SOX5: variants seen among roughly 807,000 people sequenced by gnomAD.
The protein encoded by SOX5 is transcription factor SOX-5.
In SOX5, 9 loss-of-function variants were observed where a neutral mutation model predicts 92.0. The observed-to-expected ratio is 0.10, with a 90% CI of 0.06 to 0.17. The LOEUF is 0.17. SOX5 is among the 10% of genes least tolerant of loss of function. SOX5 has a pLI of 1.00. For synonymous variants in SOX5, 344 were observed against 336.3 expected, an observed-to-expected ratio of 1.02 and a Z score of -0.25; for missense variants, 642 against 944.5, an observed-to-expected ratio of 0.68 and a Z score of 4.20.
chr12:24,211,587 T>C (rs777972371), intron 4 of SOX5, among the ~76,000 whole-genome samples: 2 of 152,166 alleles, frequency 1.3e-5, no homozygotes, highest in African/African-American at 4.8e-5. Flanking sequence ...GTTGGCAAAA[T>C]GGCAAATATG....
At chr12:24,126,658 G>A (rs1182486167) in intron 4 of SOX5, among the ~76,000 whole-genome samples, 2 of 152,172 alleles carry the variant, frequency 1.3e-5, no homozygotes, top group Non-Finnish European at 2.9e-5. Context: ...CCCGACAATT[G>A]CATTCCCTAG....
intron 2 of SOX5, among the ~76,000 whole-genome samples, chr12:24,325,872 A>G (rs1282517589): frequency 6.6e-6 from 1 of 152,200 alleles, no homozygotes; most frequent in Non-Finnish European, 1.5e-5. Flanking sequence ...TGATAATACT[A>G]TCCATACTAG....
At chr12:24,069,579 G>A (rs1381559980) in intron 4 of SOX5, among the ~76,000 whole-genome samples, 1 of 152,194 alleles carries the variant, frequency 6.6e-6, no homozygotes, top group Admixed American at 6.5e-5. Context: ...ACAGATCAGT[G>A]TATCTGCACA....
At chr12:23,644,538 T>C (rs2080572525) in intron 7 of SOX5, among the ~76,000 whole-genome samples, 1 of 152,210 alleles carries the variant, frequency 6.6e-6, no homozygotes, top group Non-Finnish European at 1.5e-5. Context: ...AACAGACAAC[T>C]ACACTGAGGT....
intron 2 of SOX5, among the ~76,000 whole-genome samples, chr12:24,323,990 C>T (rs1236493536): frequency 6.6e-6 from 1 of 152,060 alleles, no homozygotes. Context: ...TATGTATAAA[C>T]AATGTCTGCC....
At chr12:24,453,045 A>G (rs1247851887) in intron 1 of SOX5, among the ~76,000 whole-genome samples, 1 of 152,152 alleles carries the variant, frequency 6.6e-6, no homozygotes, top group Non-Finnish European at 1.5e-5. Context: ...TTCTTCTTAT[A>G]TTTTTTAAAT....
At chr12:23,971,413 C>T (rs1043360834) in intron 4 of SOX5, among the ~76,000 whole-genome samples, 6 of 151,616 alleles carry the variant, frequency 4.0e-5, no homozygotes, top group Admixed American at 6.6e-5. Context: ...TGAGCCACCG[C>T]GCCTGGCCAT....
At chr12:24,547,208 G>A (rs1383753163) in intron 1 of SOX5, among the ~76,000 whole-genome samples, 33 of 134,664 alleles carry the variant, frequency 2.5e-4, no homozygotes, top group African/African-American at 2.7e-4. Flanking sequence ...TTTTTGAGAC[G>A]GAGTCTCGCT....
chr12:23,767,974 A>G (rs191598582), intron 3 of SOX5, among the ~76,000 whole-genome samples: 4 of 152,300 alleles, frequency 2.6e-5, no homozygotes, highest in Non-Finnish European at 4.4e-5. Context: ...TTACGAATGT[A>G]TCTGAGGAAC....
At chr12:24,297,025 T>C (rs1412794391) in intron 2 of SOX5, among the ~76,000 whole-genome samples, 1 of 151,984 alleles carries the variant, frequency 6.6e-6, no homozygotes, top group African/African-American at 2.4e-5. Context: ...AGACAGTTAA[T>C]TGAATTAATA....
At chr12:23,819,313 A>G (rs1568031384) in intron 3 of SOX5, among the ~76,000 whole-genome samples, 1 of 152,210 alleles carries the variant, frequency 6.6e-6, no homozygotes, top group South Asian at 2.1e-4. Flanking sequence ...CTGTTGTTGA[A>G]TGAAATGTCA....
chr12:24,106,861 C>T (rs967614194), intron 4 of SOX5, among the ~76,000 whole-genome samples: 12 of 149,644 alleles, frequency 8.0e-5, no homozygotes, highest in Non-Finnish European at 5.9e-5. Flanking sequence ...TATTAGAACT[C>T]ATTTAAGATT....
At chr12:24,100,502 G>C (rs552806607) in intron 4 of SOX5, among the ~76,000 whole-genome samples, 1 of 152,106 alleles carries the variant, frequency 6.6e-6, no homozygotes, top group South Asian at 2.1e-4. Context: ...TCTCAGTCTT[G>C]TTCCATTGCT....
At chr12:24,335,087 T>C (rs955157092) in intron 2 of SOX5, among the ~76,000 whole-genome samples, 5 of 152,304 alleles carry the variant, frequency 3.3e-5, no homozygotes, top group African/African-American at 1.2e-4. Context: ...AAAAGAATTA[T>C]TAAATCTTAG....
At chr12:23,683,343 A>G (rs1295708772) in intron 6 of SOX5, among the ~76,000 whole-genome samples, 1 of 151,892 alleles carries the variant, frequency 6.6e-6, no homozygotes, top group Non-Finnish European at 1.5e-5. Flanking sequence ...AATGGAATGC[A>G]TCAGAATTTC....
chr12:23,575,294 A>T (rs1405840298), intron 10 of SOX5, among the ~76,000 whole-genome samples: 1 of 152,210 alleles, frequency 6.6e-6, no homozygotes, highest in South Asian at 2.1e-4. Context: ...CATAATGTAT[A>T]CTTTGTGCAA....
intron 3 of SOX5, among the ~76,000 whole-genome samples, chr12:23,829,913 G>A (rs2096287587): frequency 6.6e-6 from 1 of 152,030 alleles, no homozygotes; most frequent in Non-Finnish European, 1.5e-5. Flanking sequence ...AGCTTTCTGG[G>A]ACAAATGATT....
chr12:23,824,659 C>T (rs1476412543), intron 3 of SOX5, among the ~76,000 whole-genome samples: 3 of 152,178 alleles, frequency 2.0e-5, no homozygotes, highest in Non-Finnish European at 2.9e-5. Context: ...AGGCAGGGAA[C>T]GTTTAAGTCT....
chr12:24,529,243 G>C (rs1218018397), intron 1 of SOX5, among the ~76,000 whole-genome samples: 1 of 152,154 alleles, frequency 6.6e-6, no homozygotes, highest in East Asian at 1.9e-4. Flanking sequence ...AGAAAAGAAA[G>C]ATTACACGTG....
Sources: gnomAD v4.1 joint callset for allele counts (sites outside exome capture counted in the v4.1 genomes callset) on GRCh38, gnomAD v4.1.1 for gene constraint, MANE v1.5 for transcripts, NCBI Gene and HGNC (gene_info 2026-07-23, HGNC 2026-07-21) for gene names.